KDM4C: variants seen among roughly 807,000 people sequenced by gnomAD.
The protein encoded by KDM4C is lysine demethylase 4C.
KDM4C carries 81 observed loss-of-function variants against 129.3 expected under a neutral mutation model. The ratio of observed to expected loss-of-function variants is 0.63; its 90% CI spans 0.52 to 0.75. KDM4C has a LOEUF of 0.75. Ranked by LOEUF, KDM4C falls within the 30% of genes least tolerant of loss-of-function variation. The probability of loss-of-function intolerance (pLI) is 0.00; values close to 1 mark genes in which losing one functional copy is unlikely to be tolerated. For missense variants in KDM4C, 1,457 were observed against 1,304.0 expected, an observed-to-expected ratio of 1.12 and a Z score of -1.81; for synonymous variants, 573 against 456.1, an observed-to-expected ratio of 1.26 and a Z score of -3.26.
chr9:6,797,668 T>G (rs1434590826), intron 2 of KDM4C, among the ~76,000 whole-genome samples: 1 of 152,174 alleles, frequency 6.6e-6, no homozygotes, highest in Non-Finnish European at 1.5e-5. Flanking sequence ...CATCATGTAG[T>G]TTTATGAACA....
At chr9:7,103,127 G>C (rs150506690) in intron 17 of KDM4C, among the ~76,000 whole-genome samples, 43 of 152,202 alleles carry the variant, frequency 2.8e-4, no homozygotes, top group Non-Finnish European at 2.9e-4. Flanking sequence ...AGTCATGAAG[G>C]GTTCAGATTT....
chr9:6,749,922 G>T (rs900943714), intron 1 of KDM4C, among the ~76,000 whole-genome samples: 6 of 146,864 alleles, frequency 4.1e-5, no homozygotes, highest in African/African-American at 1.5e-4. Context: ...GGGGGCGGAG[G>T]TTGCAGTGAG....
rs572328098 is a variant in KDM4C at position 6,810,411 on chromosome 9, T to A, written c.321-4220T>A. ...TAAAATCCACTTAAAATGGTATAAA[T>A]TTTTAGGCAAATTGTAAAGATTTAC... On this transcript the variant is annotated intron_variant, in intron 3 of 21. Transcript: ENST00000381309. Among the ~76,000 whole-genome samples, 46 of 152,298 alleles carry A rather than the reference T, an allele frequency of 3.0e-4. 1 individual carries two copies. Among genetic ancestry groups the A allele is most frequent in the African/African-American group, 1.1e-3 (44 of 41,562 alleles).
intron 8 of KDM4C, among the ~76,000 whole-genome samples, chr9:6,961,430 C>T (rs1830032030): frequency 6.6e-6 from 1 of 152,028 alleles, no homozygotes; most frequent in Non-Finnish European, 1.5e-5. Context: ...AAGGTATCCA[C>T]CTACTTTCTG....
chr9:6,740,234 T>C (rs575587834), intron 1 of KDM4C, among the ~76,000 whole-genome samples: 305 of 151,204 alleles, frequency 2.0e-3, no homozygotes, highest in African/African-American at 7.0e-3. Flanking sequence ...GACAGAGTCT[T>C]GCTCTGTTGC....
chr9:6,971,962 T>C (rs1303138500), intron 8 of KDM4C, among the ~76,000 whole-genome samples: 1 of 152,184 alleles, frequency 6.6e-6, no homozygotes, highest in Non-Finnish European at 1.5e-5. Flanking sequence ...TACTATGTAA[T>C]GATGACAGAT....
intron 17 of KDM4C, among the ~76,000 whole-genome samples, chr9:7,097,681 C>A (rs1365334817): frequency 1.3e-5 from 2 of 152,204 alleles, no homozygotes; most frequent in African/African-American, 2.4e-5. Flanking sequence ...CCTTGCCCTG[C>A]CAGTCCAATC....
chr9:7,148,835 G>A (rs549695536), intron 19 of KDM4C, among the ~76,000 whole-genome samples: 1 of 152,318 alleles, frequency 6.6e-6, no homozygotes, highest in Admixed American at 6.5e-5. Context: ...TATGGGGTCA[G>A]AATGGAGGAA....
intron 8 of KDM4C, among the ~76,000 whole-genome samples, chr9:6,979,441 G>A (rs957892243): frequency 6.6e-6 from 1 of 152,136 alleles, no homozygotes; most frequent in African/African-American, 2.4e-5. Context: ...TGAAGCATAA[G>A]GGGCATTTGG....
At chr9:6,950,364 T>G (rs1048522666) in intron 8 of KDM4C, among the ~76,000 whole-genome samples, 6 of 152,206 alleles carry the variant, frequency 3.9e-5, no homozygotes, top group African/African-American at 1.4e-4. Context: ...AAAATTACAC[T>G]GATCTAGGCT....
At chr9:7,157,006 G>C (rs1437563684) in intron 19 of KDM4C, among the ~76,000 whole-genome samples, 1 of 152,152 alleles carries the variant, frequency 6.6e-6, no homozygotes, top group Non-Finnish European at 1.5e-5. Flanking sequence ...TCTTCCATTT[G>C]TTTGCGTCCT....
intron 1 of KDM4C, among the ~76,000 whole-genome samples, chr9:6,728,934 G>T (rs1028183338): frequency 1.3e-5 from 2 of 151,072 alleles, no homozygotes; most frequent in African/African-American, 4.9e-5. Flanking sequence ...GGCTGGGCGC[G>T]GTGGTTCACG....
At chr9:7,066,463 G>A (rs1354447526) in intron 17 of KDM4C, among the ~76,000 whole-genome samples, 1 of 152,102 alleles carries the variant, frequency 6.6e-6, no homozygotes, top group Non-Finnish European at 1.5e-5. Context: ...GTTTCCTAAT[G>A]TCAGGATATT....
At chr9:7,074,379 G>T (rs1391412873) in intron 17 of KDM4C, among the ~76,000 whole-genome samples, 7 of 151,948 alleles carry the variant, frequency 4.6e-5, no homozygotes, top group Non-Finnish European at 8.8e-5. Flanking sequence ...GTTGGCCAGG[G>T]TGATCTCGAA....
At chr9:6,776,715 G>T (rs1294863508) in intron 1 of KDM4C, among the ~76,000 whole-genome samples, 1 of 146,800 alleles carries the variant, frequency 6.8e-6, no homozygotes, top group African/African-American at 2.5e-5. Flanking sequence ...AGCGATTCTT[G>T]TCTCAGCCTC....
At position 6,805,769 on chromosome 9, in the gene KDM4C, T is replaced by C; in HGVS notation, c.315T>C (p.Ser105=). 4 of 1,610,650 alleles carry C rather than the reference T, an allele frequency of 2.5e-6. No homozygotes were observed. The highest frequency in any genetic ancestry group is 3.4e-6 in the Non-Finnish European group (4 of 1,178,978). The change falls in exon 3 of 22, where the codon AGT becomes AGC. Residue 105 remains serine (S), a synonymous_variant. Coordinates refer to ENST00000381309, the MANE Select transcript of KDM4C (RefSeq NM_015061.6). ...TVKEFRQLAN[S]GKYCTPRYLD... ...AGGAGTTCAGGCAGCTGGCCAACAG[T>C]GGCAAGTGAGTAGAATCAGTTTGCT...
intron 2 of KDM4C, among the ~76,000 whole-genome samples, chr9:6,803,521 G>C (rs1051386637): frequency 8.6e-5 from 13 of 150,926 alleles, no homozygotes; most frequent in Non-Finnish European, 1.3e-4. Context: ...GGTGAGCCGA[G>C]ATTGGGCCAT....
chr9:7,010,150 C>T (rs1272456785), intron 12 of KDM4C, among the ~76,000 whole-genome samples: 3 of 152,070 alleles, frequency 2.0e-5, no homozygotes, highest in Admixed American at 6.5e-5. Flanking sequence ...ATTTTTTAGC[C>T]ATCTCCTTTT....
chr9:7,063,394 GC>G (rs1250504610), intron 17 of KDM4C, among the ~76,000 whole-genome samples: 2 of 152,174 alleles, frequency 1.3e-5, no homozygotes, highest in Non-Finnish European at 2.9e-5. Flanking sequence ...ATTGCCGATG[GC>G]TAATGACCAA....
Sources: gnomAD v4.1 joint callset for allele counts (sites outside exome capture counted in the v4.1 genomes callset) on GRCh38, gnomAD v4.1.1 for gene constraint, MANE v1.5 for transcripts, NCBI Gene and HGNC (gene_info 2026-07-23, HGNC 2026-07-21) for gene names.